FGD4: variants seen among roughly 807,000 people sequenced by gnomAD.
FGD4 encodes the protein FYVE, RhoGEF and PH domain-containing protein 4.
Under a neutral mutation model 102.0 loss-of-function variants are expected in FGD4, and 42 were observed. That is an observed-to-expected ratio of 0.41 (90% CI 0.32 to 0.53). The LOEUF (loss-of-function observed/expected upper bound fraction) is 0.53. FGD4 is among the 20% of genes least tolerant of loss of function. The pLI is 0.21. For synonymous variants in FGD4, 380 were observed against 375.7 expected (o/e 1.01, Z -0.13); for missense variants, 902 against 1,078.2 (o/e 0.84, Z 2.29).
chr12:32,428,609 C>T (rs184566760), intron 1 of FGD4, among the ~76,000 whole-genome samples: 128 of 152,228 alleles, frequency 8.4e-4, no homozygotes, highest in African/African-American at 3.0e-3. Flanking sequence ...GAATGTTGGC[C>T]TGCCTTGCTA....
intron 1 of FGD4, among the ~76,000 whole-genome samples, chr12:32,498,003 T>G (rs1937927983): frequency 3.9e-5 from 6 of 152,290 alleles, no homozygotes; most frequent in Middle Eastern, 3.4e-3. Context: ...TAAGCCAGCA[T>G]CCTCCTTTTG....
At chr12:32,557,237 C>T (rs1002586454) in intron 1 of FGD4, among the ~76,000 whole-genome samples, 2 of 152,164 alleles carry the variant, frequency 1.3e-5, no homozygotes, top group African/African-American at 2.4e-5. Flanking sequence ...TATATAAATA[C>T]ATTTTTATTA....
intron 1 of FGD4, among the ~76,000 whole-genome samples, chr12:32,474,201 T>C (rs1002582616): frequency 2.6e-5 from 4 of 152,172 alleles, no homozygotes; most frequent in Non-Finnish European, 5.9e-5. Context: ...GGTAGTTCTT[T>C]GAAGGTTAAA....
intron 1 of FGD4, among the ~76,000 whole-genome samples, chr12:32,550,277 C>CT (rs1393268942): frequency 1.3e-5 from 2 of 152,140 alleles, no homozygotes; most frequent in African/African-American, 4.8e-5. Flanking sequence ...TTTTGTTACT[C>CT]TTTTTGCAGT....
At chr12:32,598,253 A>T (rs1340745036) in intron 4 of FGD4, among the ~76,000 whole-genome samples, 1 of 152,206 alleles carries the variant, frequency 6.6e-6, no homozygotes, top group Non-Finnish European at 1.5e-5. Flanking sequence ...TCCAGGAAAA[A>T]GGTAGATATG....
chr12:32,438,615 TG>T lies in FGD4; in HGVS notation c.166+38657del, dbSNP rs1402914542. ...TGTTTTTTGTTTGTTTGTTTGTGTG[TG>T]TTTTTTTTTTTGAGATGGAGTCTCG... On this transcript the variant is annotated intron_variant, in intron 1 of 16. Transcript: ENST00000534526. 3.5e-3 allele frequency among the ~76,000 whole-genome samples: 534 copies of T among 150,838 alleles called. 8 individuals are homozygous for T. The highest frequency in any genetic ancestry group is 0.012 in the African/African-American group (500 of 41,052).
chr12:32,500,026 C>A (rs1310977159), intron 1 of FGD4, among the ~76,000 whole-genome samples: 1 of 152,124 alleles, frequency 6.6e-6, no homozygotes, highest in Non-Finnish European at 1.5e-5. Flanking sequence ...ACAAAAAAAT[C>A]TTGTATATCA....
intron 1 of FGD4, among the ~76,000 whole-genome samples, chr12:32,495,182 G>A (rs1449367197): frequency 1.3e-5 from 2 of 152,018 alleles, no homozygotes; most frequent in Non-Finnish European, 2.9e-5. Flanking sequence ...CAAATATTAT[G>A]CCTGTTTATT....
intron 1 of FGD4, among the ~76,000 whole-genome samples, chr12:32,560,873 T>A (rs1013297606): frequency 1.4e-4 from 22 of 151,860 alleles, no homozygotes; most frequent in Admixed American, 1.4e-3. Flanking sequence ...TTATTTTTTT[T>A]AAGTAAAGGC....
intron 10 of FGD4, among the ~76,000 whole-genome samples, chr12:32,618,345 T>TG (rs1442844408): frequency 6.6e-6 from 1 of 152,196 alleles, no homozygotes; most frequent in South Asian, 2.1e-4. Flanking sequence ...AATATCCTCC[T>TG]GAGAAGTCCT....
At chr12:32,411,513 G>A (rs2136396527) in intron 1 of FGD4, among the ~76,000 whole-genome samples, 1 of 152,168 alleles carries the variant, frequency 6.6e-6, no homozygotes, top group African/African-American at 2.4e-5. Flanking sequence ...CAGCCTGGGC[G>A]ACAGAGCAAG....
chr12:32,598,952 C>A (rs1248415083), intron 5 of FGD4, among the ~76,000 whole-genome samples: 1 of 152,156 alleles, frequency 6.6e-6, no homozygotes, highest in Non-Finnish European at 1.5e-5. Context: ...GTCATTGATT[C>A]TGTTTGCCTC....
chr12:32,464,890 A>G (rs1045334056), intron 1 of FGD4, among the ~76,000 whole-genome samples: 1 of 152,232 alleles, frequency 6.6e-6, no homozygotes, highest in Non-Finnish European at 1.5e-5. Context: ...TCATAATTTT[A>G]TCATTAAAGT....
intron 10 of FGD4, among the ~76,000 whole-genome samples, 190 bp from the exon 11 acceptor site, chr12:32,619,508 T>C (rs1003745008): frequency 2.0e-5 from 3 of 151,900 alleles, no homozygotes; most frequent in African/African-American, 7.3e-5. Flanking sequence ...GGCGGGTGCC[T>C]GTAGTCCCAG....
intron 11 of FGD4, among the ~76,000 whole-genome samples, chr12:32,623,423 A>G (rs1462155500): frequency 6.6e-6 from 1 of 152,196 alleles, no homozygotes; most frequent in Non-Finnish European, 1.5e-5. Flanking sequence ...AGAAGCTTCC[A>G]CTTGGCAGAC....
chr12:32,583,828 T>C (rs1336696929), intron 4 of FGD4, among the ~76,000 whole-genome samples: 2 of 152,202 alleles, frequency 1.3e-5, no homozygotes, highest in African/African-American at 4.8e-5. Flanking sequence ...CTCAATACAA[T>C]GATAGATTTT....
intron 1 of FGD4, among the ~76,000 whole-genome samples, chr12:32,522,829 G>A (rs1201618836): frequency 6.6e-6 from 1 of 152,250 alleles, no homozygotes; most frequent in Non-Finnish European, 1.5e-5. Context: ...AGTGCAGTAT[G>A]CAGCCACTGA....
chr12:32,421,111 A>C (rs1283302749), intron 1 of FGD4, among the ~76,000 whole-genome samples: 1 of 152,150 alleles, frequency 6.6e-6, no homozygotes, highest in Non-Finnish European at 1.5e-5. Context: ...AGGGTTCTGC[A>C]GTGATCATGA....
At chr12:32,418,461 T>C (rs976802344) in intron 1 of FGD4, among the ~76,000 whole-genome samples, 7 of 152,160 alleles carry the variant, frequency 4.6e-5, no homozygotes, top group Non-Finnish European at 8.8e-5. Context: ...TCTTGCCGAC[T>C]TATAGAGGTA....
Sources: allele counts gnomAD v4.1 joint callset (sites outside exome capture counted in the v4.1 genomes callset), GRCh38; gene constraint gnomAD v4.1.1; transcripts MANE v1.5; gene names NCBI Gene and HGNC (gene_info 2026-07-23, HGNC 2026-07-21).